Variants in CACNG3 observed in about 807,000 individuals in gnomAD.
CACNG3 encodes the protein voltage-dependent calcium channel gamma-3 subunit.
A neutral mutation model predicts 28.5 loss-of-function variants in CACNG3; 3 were observed. That is an observed-to-expected ratio of 0.11 (90% CI 0.05 to 0.27). The LOEUF (loss-of-function observed/expected upper bound fraction) is 0.27. CACNG3 is among the 10% of genes least tolerant of loss of function. CACNG3 has a pLI of 1.00. For synonymous variants in CACNG3, 174 were observed against 162.2 expected, an observed-to-expected ratio of 1.07 and a Z score of -0.55; for missense variants, 236 against 414.4, an observed-to-expected ratio of 0.57 and a Z score of 3.74.
chr16:24,329,773 G>A (rs1236270058), intron 1 of CACNG3, among the ~76,000 whole-genome samples: 5 of 152,146 alleles, frequency 3.3e-5, no homozygotes, highest in African/African-American at 1.2e-4. Flanking sequence ...AGTGGCTCAC[G>A]CCTGTAATCC....
intron 1 of CACNG3, among the ~76,000 whole-genome samples, chr16:24,272,521 T>A (rs1898704252): frequency 6.6e-6 from 1 of 152,154 alleles, no homozygotes; most frequent in Admixed American, 6.5e-5. Flanking sequence ...TTTTATAATA[T>A]TTTATTTTCA....
chr16:24,308,264 G>A (rs1398474729), intron 1 of CACNG3, among the ~76,000 whole-genome samples: 1 of 152,170 alleles, frequency 6.6e-6, no homozygotes, highest in East Asian at 1.9e-4. Context: ...TATCATCAAG[G>A]AAAGCTGTCT....
intron 1 of CACNG3, among the ~76,000 whole-genome samples, chr16:24,306,856 C>T (rs186814378): frequency 7.9e-5 from 12 of 152,134 alleles, no homozygotes; most frequent in African/African-American, 2.4e-4. Flanking sequence ...GTTGACTGAC[C>T]CCCAGTCTCT....
intron 1 of CACNG3, among the ~76,000 whole-genome samples, chr16:24,289,584 G>A (rs962091284): frequency 1.3e-5 from 2 of 152,144 alleles, no homozygotes; most frequent in Non-Finnish European, 2.9e-5. Context: ...CCACTTGCAG[G>A]GAGCCCTTCA....
chr16:24,349,301 C>A (rs1899910470), intron 2 of CACNG3, among the ~76,000 whole-genome samples: 1 of 152,206 alleles, frequency 6.6e-6, no homozygotes, highest in Non-Finnish European at 1.5e-5. Flanking sequence ...CCAGATCCAG[C>A]CCCAAGACAG....
At chr16:24,325,189 GC>G (rs1423230526) in intron 1 of CACNG3, among the ~76,000 whole-genome samples, 2 of 152,174 alleles carry the variant, frequency 1.3e-5, no homozygotes, top group Non-Finnish European at 2.9e-5. Context: ...TTTAATATCA[GC>G]CAATTCTTTA....
intron 3 of CACNG3, 59 bp downstream of exon 3, chr16:24,355,032 CA>C: frequency 6.5e-7 from 1 of 1,543,788 alleles, no homozygotes; most frequent in Non-Finnish European, 8.9e-7. Flanking sequence ...GCCAGGGCCA[CA>C]TGGAGGAAGC....
intron 1 of CACNG3, among the ~76,000 whole-genome samples, chr16:24,285,845 CT>C (rs11406086): frequency 1.3e-3 from 175 of 131,590 alleles, no homozygotes; most frequent in Admixed American, 4.0e-3. Flanking sequence ...TCTTTCTTTT[CT>C]TTTTTTTTTT....
At chr16:24,318,381 G>C (rs1899414744) in intron 1 of CACNG3, among the ~76,000 whole-genome samples, 1 of 152,114 alleles carries the variant, frequency 6.6e-6, no homozygotes, top group Admixed American at 6.5e-5. Flanking sequence ...TAGTAGAGAT[G>C]GGGTTTCACC....
At chr16:24,292,997 T>G (rs144411810) in intron 1 of CACNG3, among the ~76,000 whole-genome samples, 15 of 152,256 alleles carry the variant, frequency 9.9e-5, no homozygotes, top group African/African-American at 3.1e-4. Context: ...GAGAAGACAT[T>G]TATCCAATCA....
intron 2 of CACNG3, among the ~76,000 whole-genome samples, chr16:24,347,232 C>T (rs1433865927): frequency 6.6e-6 from 1 of 152,070 alleles, no homozygotes; most frequent in African/African-American, 2.4e-5. Flanking sequence ...GTGGGAGGAT[C>T]ATTTAAGCCC....
In CACNG3 at chr16:24,338,346, T is replaced by C. The variant is rs376786912; in HGVS notation, c.212-8388T>C. ...TGTATCTTTCTTGGTTTTTTGTTTT[T>C]GTTTGTTTGTTTTTTGAGACAGAGT... On this transcript the variant is annotated intron_variant, in intron 1 of 3. Transcript: ENST00000005284. 5.9e-5 allele frequency among the ~76,000 whole-genome samples: 9 copies of C among 152,210 alleles called. No individual in the cohort carries two copies. The South Asian group carries it at 1.0e-3, about 18-fold the overall frequency.
At chr16:24,271,523 A>C (rs7185499) in intron 1 of CACNG3, among the ~76,000 whole-genome samples, 7,716 of 151,866 alleles carry the variant, frequency 0.051, 655 homozygotes, top group African/African-American at 0.18. Flanking sequence ...GCTGGTATTT[A>C]CTCCTGTGCA....
At chr16:24,322,854 G>T (rs1457935966) in intron 1 of CACNG3, among the ~76,000 whole-genome samples, 1 of 152,112 alleles carries the variant, frequency 6.6e-6, no homozygotes, top group African/African-American at 2.4e-5. Context: ...TGCTCAGGTA[G>T]TGCACTGCTC....
intron 1 of CACNG3, among the ~76,000 whole-genome samples, chr16:24,289,193 T>G (rs1898933005): frequency 6.6e-6 from 1 of 152,012 alleles, no homozygotes; most frequent in African/African-American, 2.4e-5. Context: ...CCCCTCTCCT[T>G]CCCGATGAAT....
chr16:24,280,821 CAAAAAAAA>C (rs71154295), intron 1 of CACNG3, among the ~76,000 whole-genome samples: 3 of 55,626 alleles, frequency 5.4e-5, no homozygotes, highest in South Asian at 2.2e-3. Flanking sequence ...GAGTTTGTCT[CAAAAAAAA>C]AAAAAAAAAA....
At chr16:24,264,211 C>T (rs1483520465) in intron 1 of CACNG3, among the ~76,000 whole-genome samples, 1 of 152,230 alleles carries the variant, frequency 6.6e-6, no homozygotes, top group Non-Finnish European at 1.5e-5. Context: ...TTGCCCTATA[C>T]GAGGCTGCCT....
chr16:24,289,384 T>C (rs1315475122), intron 1 of CACNG3, among the ~76,000 whole-genome samples: 1 of 152,096 alleles, frequency 6.6e-6, no homozygotes, highest in Non-Finnish European at 1.5e-5. Flanking sequence ...TTTTAAACTC[T>C]AAAAAAAGCA....
At chr16:24,359,013 A>C (rs55958429) in intron 3 of CACNG3, among the ~76,000 whole-genome samples, 21,844 of 152,104 alleles carry the variant, frequency 0.14, 1,916 homozygotes, top group South Asian at 0.25. Context: ...CTATCAGTTT[A>C]ATCTGACATC....
Sources: gnomAD v4.1 joint callset for allele counts (sites outside exome capture counted in the v4.1 genomes callset) on GRCh38, gnomAD v4.1.1 for gene constraint, MANE v1.5 for transcripts, NCBI Gene and HGNC (gene_info 2026-07-23, HGNC 2026-07-21) for gene names.